Variants in PTPRM observed in about 807,000 individuals in gnomAD.
PTPRM encodes receptor-type tyrosine-protein phosphatase mu.
PTPRM carries 47 observed loss-of-function variants against 186.7 expected under a neutral mutation model. The observed-to-expected ratio is 0.25, with a 90% CI of 0.20 to 0.32. PTPRM has a LOEUF of 0.32. PTPRM is among the 10% of genes least tolerant of loss of function. PTPRM has a pLI of 1.00. For synonymous variants in PTPRM, 668 were observed against 674.9 expected (o/e 0.99, Z 0.16); for missense variants, 1,494 against 1,865.0 (o/e 0.80, Z 3.66).
At chr18:8,310,268 C>T (rs1176052308) in intron 20 of PTPRM, among the ~76,000 whole-genome samples, 1 of 151,904 alleles carries the variant, frequency 6.6e-6, no homozygotes, top group African/African-American at 2.4e-5. Context: ...GTAGCCTCCC[C>T]ATTGTCTCCC....
intron 14 of PTPRM, among the ~76,000 whole-genome samples, chr18:8,219,568 T>G (rs1326248174): frequency 1.3e-5 from 2 of 152,180 alleles, no homozygotes; most frequent in African/African-American, 2.4e-5. Context: ...GATTACAGTT[T>G]TCTACATTTT....
At chr18:8,053,353 T>G (rs2087650072) in intron 7 of PTPRM, among the ~76,000 whole-genome samples, 2 of 152,180 alleles carry the variant, frequency 1.3e-5, no homozygotes, top group South Asian at 4.1e-4. Context: ...ATTCTTTAAT[T>G]TAAAAAATTA....
At chr18:7,897,377 C>G (rs546309269) in intron 3 of PTPRM, among the ~76,000 whole-genome samples, 15 of 152,276 alleles carry the variant, frequency 9.9e-5, no homozygotes, top group Non-Finnish European at 1.5e-4. Flanking sequence ...AAGTGCAAGA[C>G]AATTGAATTG....
intron 20 of PTPRM, among the ~76,000 whole-genome samples, chr18:8,303,659 G>C (rs1377921964): frequency 2.6e-5 from 4 of 152,164 alleles, no homozygotes; most frequent in Non-Finnish European, 1.5e-5. Context: ...AGAGAGCTCT[G>C]ACACAGGGAT....
chr18:8,036,739 CCT>C (rs778883304), intron 7 of PTPRM, among the ~76,000 whole-genome samples: 3 of 152,130 alleles, frequency 2.0e-5, no homozygotes, highest in East Asian at 1.9e-4. Context: ...CATTTCCTCC[CCT>C]GTTACCTGAG....
intron 3 of PTPRM, among the ~76,000 whole-genome samples, chr18:7,904,314 T>C (rs1391937797): frequency 6.6e-6 from 1 of 152,196 alleles, no homozygotes; most frequent in African/African-American, 2.4e-5. Flanking sequence ...CTTTGTTACC[T>C]GAATAGGCTT....
intron 19 of PTPRM, among the ~76,000 whole-genome samples, chr18:8,295,542 T>C (rs1175856336): frequency 6.6e-6 from 1 of 152,060 alleles, no homozygotes; most frequent in African/African-American, 2.4e-5. Context: ...CCTCTTTCCC[T>C]CTCTCTTCCT....
intron 14 of PTPRM, among the ~76,000 whole-genome samples, chr18:8,177,869 C>T (rs1256321710): frequency 6.6e-6 from 1 of 152,158 alleles, no homozygotes; most frequent in Non-Finnish European, 1.5e-5. Context: ...CCTGATTCTT[C>T]CCTTGGGATG....
chr18:7,709,688 A>C (rs2040171234), intron 1 of PTPRM, among the ~76,000 whole-genome samples: 1 of 152,194 alleles, frequency 6.6e-6, no homozygotes, highest in Non-Finnish European at 1.5e-5. Flanking sequence ...AAGATGATGC[A>C]AATAAGCTCA....
At chr18:8,183,984 CT>C (rs1159870287) in intron 14 of PTPRM, among the ~76,000 whole-genome samples, 3 of 152,182 alleles carry the variant, frequency 2.0e-5, no homozygotes, top group Admixed American at 2.0e-4. Context: ...TGTTCTATCC[CT>C]GTCTTTATGC....
chr18:8,125,332 C>T (rs1314683250), intron 13 of PTPRM, among the ~76,000 whole-genome samples: 3 of 152,074 alleles, frequency 2.0e-5, no homozygotes, highest in Non-Finnish European at 2.9e-5. Context: ...GCAGTCCTGT[C>T]ATTGCACTAG....
At chr18:8,190,067 G>A (rs8082754) in intron 14 of PTPRM, among the ~76,000 whole-genome samples, 5,498 of 152,136 alleles carry the variant, frequency 0.036, 309 homozygotes, top group African/African-American at 0.13. Context: ...ATAATGTTTT[G>A]ATATATGTAT....
intron 1 of PTPRM, among the ~76,000 whole-genome samples, chr18:7,717,526 T>C (rs928211546): frequency 9.2e-5 from 14 of 152,192 alleles, no homozygotes; most frequent in Non-Finnish European, 2.1e-4. Flanking sequence ...TCTTGGACAC[T>C]GGACAAAAGC....
intron 24 of PTPRM, among the ~76,000 whole-genome samples, chr18:8,375,831 T>TCATCCC (rs1187593576): frequency 1.3e-5 from 2 of 152,176 alleles, no homozygotes; most frequent in Non-Finnish European, 2.9e-5. Flanking sequence ...TCCCCAAACA[T>TCATCCC]CATCCCCCTT....
chr18:8,154,280 G>T (rs2093073603), intron 14 of PTPRM, among the ~76,000 whole-genome samples: 1 of 152,224 alleles, frequency 6.6e-6, no homozygotes, highest in Non-Finnish European at 1.5e-5. Context: ...CTGTCAGTTA[G>T]AAGCAAATGC....
chr18:8,277,186 CT>C (rs2094846744), intron 19 of PTPRM, among the ~76,000 whole-genome samples: 1 of 152,190 alleles, frequency 6.6e-6, no homozygotes, highest in Non-Finnish European at 1.5e-5. Flanking sequence ...AGCCACCCAT[CT>C]TGGCCTCCCA....
chr18:8,244,352 C>T, intron 15 of PTPRM, 143 bp downstream of exon 15: 1 of 829,654 alleles, frequency 1.2e-6, no homozygotes, highest in Non-Finnish European at 1.7e-6. Flanking sequence ...TTTCAGTGAT[C>T]CTTTGTGCCA....
intron 1 of PTPRM, among the ~76,000 whole-genome samples, chr18:7,589,561 C>T (rs192774498): frequency 1.1e-3 from 174 of 152,256 alleles, no homozygotes; most frequent in African/African-American, 4.1e-3. Flanking sequence ...CAACTCCCCC[C>T]CACCACCCTG....
intron 20 of PTPRM, among the ~76,000 whole-genome samples, chr18:8,312,627 C>T (rs1221230529): frequency 6.6e-6 from 1 of 152,100 alleles, no homozygotes; most frequent in Admixed American, 6.5e-5. Context: ...TCTTCATCTC[C>T]ATTTTACAGC....
Sources: allele counts gnomAD v4.1 joint callset (sites outside exome capture counted in the v4.1 genomes callset), GRCh38; gene constraint gnomAD v4.1.1; transcripts MANE v1.5; gene names NCBI Gene and HGNC (gene_info 2026-07-23, HGNC 2026-07-21).